The following ZNF415 variants were observed in gnomAD, a reference collection of about 807,000 sequenced individuals.
ZNF415 encodes the protein zinc finger protein 415.
ZNF415 carries 5 observed loss-of-function variants against 7.3 expected under a neutral mutation model. The observed-to-expected ratio is 0.69, with a 90% CI of 0.36 to 1.44. The LOEUF (loss-of-function observed/expected upper bound fraction) is 1.44, where lower values mean the gene tolerates loss of function less well. Among genes scored for constraint, ZNF415 ranks in the 40% most tolerant of loss-of-function variants. The pLI is 0.04. For synonymous variants in ZNF415, 207 were observed against 226.3 expected (o/e 0.91, Z 0.77); for missense variants, 628 against 664.8 (o/e 0.94, Z 0.61).
At position 53,109,249 on chromosome 19, in the gene ZNF415, G is replaced by C; in HGVS notation, c.796C>G (p.His266Asp). ...KSNLARHWRV[H>D]TGEKPYKCNE... Reference sequence around the variant, plus strand: ...CATTTGTATGGTTTCTCTCCAGTATGAACTCTCCAATGACGCGCAAGGTTT... The same window carrying C: ...CATTTGTATGGTTTCTCTCCAGTATCAACTCTCCAATGACGCGCAAGGTTT... The change falls in exon 4 of 4, where the codon CAT becomes GAT. Residue 266 changes from histidine (H) to aspartate (D), a missense_variant. By Grantham distance (81) the His-to-Asp change is moderately conservative. Transcript: ENST00000243643. The C allele has an allele frequency of 6.2e-7, 1 of 1,614,124 alleles. No homozygotes were observed. Among genetic ancestry groups the C allele is most frequent in the South Asian group, 1.1e-5 (1 of 91,080 alleles).
rs545601862 is a variant in ZNF415, at chr19:53,127,160, G to T, written c.-67-4417C>A. Among the ~76,000 whole-genome samples the T allele has an allele frequency of 3.6e-3, 535 of 147,720 alleles. 2 individuals carry two copies. The highest frequency in any genetic ancestry group is 0.013 in the African/African-American group (513 of 39,742). On this transcript the variant is annotated intron_variant, in intron 1 of 3. Coordinates refer to ENST00000243643, the MANE Select transcript of ZNF415 (RefSeq NM_018355.4). The stretch of plus-strand genomic sequence containing the variant: ...GACCCTGATAATCACTCCCTCTTGA[G>T]TTGCACCCACAGACGCCCCCACAAC...
intron 1 of ZNF415, among the ~76,000 whole-genome samples, chr19:53,127,912 C>T (rs2089471466): frequency 6.6e-6 from 1 of 150,464 alleles, no homozygotes; most frequent in Non-Finnish European, 1.5e-5. Context: ...GAAAAAGATA[C>T]TAGGGCTTTC....
At chr19:53,120,319 A>T (rs59589455) in intron 2 of ZNF415, among the ~76,000 whole-genome samples, 3,201 of 152,314 alleles carry the variant, frequency 0.021, 101 homozygotes, top group African/African-American at 0.072. Context: ...GGAGCAAGCT[A>T]TCCTTGTTCC....
intron 1 of ZNF415, chr19:53,129,510 C>A (rs193044100): frequency 7.4e-4 from 301 of 404,428 alleles, no homozygotes; most frequent in East Asian, 4.2e-3. Flanking sequence ...CTAGTCCCCC[C>A]ACATACAACT....
intron 3 of ZNF415, chr19:53,115,848 T>G: frequency 2.7e-6 from 4 of 1,468,340 alleles, no homozygotes; most frequent in Non-Finnish European, 3.7e-6. Context: ...ATAAAATGAA[T>G]GGAACATGAT....
chr19:53,123,535 C>G (rs908923211), intron 1 of ZNF415: 2 of 398,642 alleles, frequency 5.0e-6, no homozygotes, highest in Non-Finnish European at 8.8e-6. Context: ...CCAGCAGAGG[C>G]ACAGCCCACG....
rs190198779 is a variant in ZNF415, at chr19:53,131,107, G to A, written c.-68+1749C>T. 6.9e-3 allele frequency among the ~76,000 whole-genome samples: 470 copies of A among 68,462 alleles called. 2 individuals are homozygous for A. Among genetic ancestry groups the A allele is most frequent in the African/African-American group, 0.025 (447 of 17,556 alleles). The allele number at this position is 68,462 out of a possible 152,430, so 44.9% of individuals were successfully genotyped here. A position where few individuals can be genotyped will look rare whatever the true frequency, so the allele number is the denominator to read the frequency against. ...TTTTTTTTTTAGCTCATCAGCTATT[G>A]TTAGTGTTAGTGTACTTTATGTGTG... is the stretch of plus-strand genomic sequence containing the variant. On this transcript the variant is annotated intron_variant, in intron 1 of 3. Transcript: ENST00000243643.
chr19:53,120,199 T>C (rs936109245), intron 2 of ZNF415, among the ~76,000 whole-genome samples: 2 of 152,130 alleles, frequency 1.3e-5, no homozygotes, highest in Non-Finnish European at 2.9e-5. Flanking sequence ...CTCAAGGTAA[T>C]AGACACTTCA....
intron 1 of ZNF415, among the ~76,000 whole-genome samples, chr19:53,132,151 C>CT (rs2090161586): frequency 6.6e-6 from 1 of 152,230 alleles, no homozygotes; most frequent in African/African-American, 2.4e-5. Flanking sequence ...CTGAAAATCT[C>CT]TAACCATCCT....
At chr19:53,130,950 C>G (rs1026533151) in intron 1 of ZNF415, among the ~76,000 whole-genome samples, 5 of 151,524 alleles carry the variant, frequency 3.3e-5, no homozygotes, top group African/African-American at 1.2e-4. Context: ...AGCCTCAACA[C>G]TTTTAATGTT....
Position 53,108,509 on chromosome 19 carries a change from AGTGAG to A in ZNF415, c.1531_1535del (p.Leu511Ter). ...TTCCAGTATGGATTATCTGATGTCT[AGTGAG>A]GTTTGGGCGCACACTAAAGGATTTG... On this transcript the variant is annotated frameshift_variant, in exon 4 of 4. Coordinates refer to ENST00000243643, the MANE Select transcript of ZNF415 (RefSeq NM_018355.4). LOFTEE classifies it low-confidence loss of function (END_TRUNC). 6.2e-7 allele frequency: 1 copy of A among 1,614,020 alleles called. No homozygotes were observed. Among genetic ancestry groups the A allele is most frequent in the Non-Finnish European group, 8.5e-7 (1 of 1,179,960 alleles).
At chr19:53,116,454 ACATTTCAC>A in intron 2 of ZNF415, 21 bp from the exon 3 acceptor site, 1 of 1,613,948 alleles carries the variant, frequency 6.2e-7, no homozygotes, top group Non-Finnish European at 8.5e-7. Context: ...AATAATAAAC[ACATTTCAC>A]CAAGAGGTTA....
intron 3 of ZNF415, among the ~76,000 whole-genome samples, chr19:53,112,416 C>T (rs2086370337): frequency 6.6e-6 from 1 of 152,152 alleles, no homozygotes; most frequent in Non-Finnish European, 1.5e-5. Flanking sequence ...ATTCAGTCAG[C>T]TCTCATGGAA....
intron 3 of ZNF415, among the ~76,000 whole-genome samples, chr19:53,114,706 AGTGAAGACCT>A (rs1159603884): frequency 6.6e-6 from 1 of 152,118 alleles, no homozygotes; most frequent in African/African-American, 2.4e-5. Flanking sequence ...GGGGGATCCC[AGTGAAGACCT>A]GTCAACTGTT....
At chr19:53,111,912 C>T (rs1479691089) in intron 3 of ZNF415, among the ~76,000 whole-genome samples, 1 of 152,134 alleles carries the variant, frequency 6.6e-6, no homozygotes, top group East Asian at 1.9e-4. Context: ...AAAAACAAGA[C>T]TAAATCCTGG....
chr19:53,113,226 TGGCCGGGCGCGGTGGCTC>T (rs2086499081), intron 3 of ZNF415, among the ~76,000 whole-genome samples: 2 of 106,922 alleles, frequency 1.9e-5, no homozygotes, highest in Non-Finnish European at 2.0e-5. Flanking sequence ...ACCGAGGCAT[TGGCCGGGCGCGGTGGCTC>T]ACGCCTGTAA....
chr19:53,118,205 G>A (rs2087367339), intron 2 of ZNF415, among the ~76,000 whole-genome samples: 1 of 151,900 alleles, frequency 6.6e-6, no homozygotes, highest in African/African-American at 2.4e-5. Flanking sequence ...CAGTAAAAGA[G>A]ATGAAAAAGG....
At chr19:53,112,983 G>A (rs976837447) in intron 3 of ZNF415, among the ~76,000 whole-genome samples, 3 of 152,042 alleles carry the variant, frequency 2.0e-5, no homozygotes, top group African/African-American at 7.2e-5. Flanking sequence ...CTACTCAGGA[G>A]GCTGAGGCAG....
intron 3 of ZNF415, chr19:53,115,828 T>C: frequency 6.5e-7 from 1 of 1,534,240 alleles, no homozygotes; most frequent in Non-Finnish European, 8.8e-7. Context: ...AGGAAGAGAA[T>C]TTCCCGCTTA....
Sources: gnomAD v4.1 joint callset for allele counts (sites outside exome capture counted in the v4.1 genomes callset) on GRCh38, gnomAD v4.1.1 for gene constraint, MANE v1.5 for transcripts, NCBI Gene and HGNC (gene_info 2026-07-23, HGNC 2026-07-21) for gene names.